NOP9: variants seen among roughly 807,000 people sequenced by gnomAD.
NOP9 encodes nucleolar protein 9.
NOP9 carries 50 observed loss-of-function variants against 63.0 expected under a neutral mutation model. That is an observed-to-expected ratio of 0.79 (90% CI 0.63 to 1.00). The LOEUF is 1.00. Among genes scored for constraint, NOP9 ranks in the 50% least tolerant of loss-of-function variants. The pLI, the probability that NOP9 is intolerant of heterozygous loss-of-function variation, is 0.00. For missense variants in NOP9, 758 were observed against 803.0 expected (o/e 0.94, Z 0.68); for synonymous variants, 343 against 332.8 (o/e 1.03, Z -0.33).
At chr14:24,291,526 T>A in the NOP9 span, 8 of 1,612,632 alleles carry the variant, frequency 5.0e-6, no homozygotes, top group Non-Finnish European at 6.8e-6. Flanking sequence ...TCCATGCCCT[T>A]TCTTATTACC....
the NOP9 span, chr14:24,292,146 C>G: frequency 2.5e-6 from 4 of 1,613,492 alleles, no homozygotes; most frequent in Non-Finnish European, 3.4e-6. Context: ...GAGGCCGACT[C>G]CCCTGTTCTC....
chr14:24,271,281 C>T, the NOP9 span: 16 of 861,784 alleles, frequency 1.9e-5, no homozygotes, highest in Non-Finnish European at 2.7e-5. Context: ...TAAAGAGGTC[C>T]TGGGACAGGC....
chr14:24,300,139 TG>T lies in NOP9; in HGVS notation c.188del (p.Gly63AspfsTer10). 1.9e-6 allele frequency: 3 copies of T among 1,613,964 alleles called. No individual in the cohort carries two copies. The highest frequency in any genetic ancestry group is 2.5e-6 in the Non-Finnish European group (3 of 1,179,996). Reference sequence around the variant, plus strand: ...CACCCGCACCTGAGCCCGGAAGCTCTGGGATATTTCCGCCGGGCGCTGTCAG... The same window carrying T: ...CACCCGCACCTGAGCCCGGAAGCTCTGGATATTTCCGCCGGGCGCTGTCAG... ...DSHPHLSPEA[L>X]GYFRRALSAL... is the part of the protein sequence containing the mutation. On this transcript the variant is annotated frameshift_variant, in exon 1 of 10. Transcript: ENST00000267425. LOFTEE classifies it high-confidence loss of function.
chr14:24,306,214 AC>A lies in NOP9; in HGVS notation c.*1122del, dbSNP rs1035022311. ...CTAATCTCCATCAGCACTGGGTCAG[AC>A]CCTCCCTCGCTTGGACTTTCTGTCC... On this transcript the variant is annotated 3_prime_UTR_variant, in exon 10 of 10. Transcript: ENST00000267425. 8 of 1,542,156 alleles carry A rather than the reference AC, an allele frequency of 5.2e-6. No individual in the cohort carries two copies. The African/African-American group carries it at 1.1e-4, about 21-fold the overall frequency.
chr14:24,284,108 G>C, the NOP9 span, among the ~76,000 whole-genome samples: 1 of 152,192 alleles, frequency 6.6e-6, no homozygotes, highest in Non-Finnish European at 1.5e-5. Context: ...TGAGACAGAG[G>C]TGAGGCTTGA....
rs2041404481 is a variant in NOP9 at position 24,303,057 on chromosome 14, T to C, written c.1144-17T>C. On this transcript the variant is annotated splice_polypyrimidine_tract_variant and intron_variant, in intron 5 of 9. Coordinates refer to ENST00000267425, the MANE Select transcript of NOP9 (RefSeq NM_174913.3). ...CATTACCAGAATGCCAGAGTTACATTCCATGTTTCCCATCAGCTGTCCCCT... is the reference window on the plus strand; with the variant it reads ...CATTACCAGAATGCCAGAGTTACATCCCATGTTTCCCATCAGCTGTCCCCT... The C allele has an allele frequency of 4.0e-6, 6 of 1,505,704 alleles. No homozygotes were observed. The highest frequency in any genetic ancestry group is 5.3e-6 in the Non-Finnish European group (6 of 1,129,874). The allele number at this position is 1,505,704 out of a possible 1,614,324, so 93.3% of individuals were successfully genotyped here.
At position 24,300,561 on chromosome 14, in the gene NOP9, G is replaced by T. The variant is rs571350852; in HGVS notation, c.401G>T (p.Arg134Leu). Residue 134 changes from arginine (R) to leucine (L), a missense_variant, in exon 2 of 10, where the codon CGC becomes CTC. Arg to Leu is a moderately radical substitution (Grantham distance 102). Coordinates refer to ENST00000267425, the MANE Select transcript of NOP9 (RefSeq NM_174913.3). Reference sequence around the variant, plus strand: ...TGGGCTGCTCTGCGCTCTAACTTGCGCACTGTGGCCTGTCACCGATGCGGG... The same window carrying T: ...TGGGCTGCTCTGCGCTCTAACTTGCTCACTGTGGCCTGTCACCGATGCGGG... The part of the protein sequence containing the change: ...RVWAALRSNL[R>L]TVACHRCGVH... The T allele has an allele frequency of 2.5e-6, 4 of 1,614,100 alleles. No homozygotes were observed. Among genetic ancestry groups the T allele is most frequent in the East Asian group, 2.2e-5 (1 of 44,894 alleles).
chr14:24,303,694 A>G (rs372860523), intron 6 of NOP9, 38 bp from the exon 7 acceptor site: 42 of 1,599,926 alleles, frequency 2.6e-5, no homozygotes, highest in Non-Finnish European at 3.5e-5. Flanking sequence ...AGGGACGGAG[A>G]AGTTCTCAGG....
chr14:24,303,614 A>T, intron 6 of NOP9, 118 bp from the exon 7 acceptor site: 1 of 1,032,288 alleles, frequency 9.7e-7, no homozygotes. Flanking sequence ...ATCTGCTTTC[A>T]TGGAGCTAAC....
At position 24,305,164 on chromosome 14, in the gene NOP9, G is replaced by A; in HGVS notation, c.*69G>A. The A allele has an allele frequency of 7.5e-7, 1 of 1,331,308 alleles. No homozygotes were observed. The highest frequency in any genetic ancestry group is 9.8e-7 in the Non-Finnish European group (1 of 1,020,328). The allele number at this position is 1,331,308 out of a possible 1,614,324, so 82.5% of individuals were successfully genotyped here. A position where few individuals can be genotyped will look rare whatever the true frequency, so the allele number is the denominator to read the frequency against. Reference sequence around the variant, plus strand: ...GGGGTATCCACCCCATCCCTTTCCTGGTTTAAATTGGAGTCAGAAGTCTTA... The same window carrying A: ...GGGGTATCCACCCCATCCCTTTCCTAGTTTAAATTGGAGTCAGAAGTCTTA... On this transcript the variant is annotated 3_prime_UTR_variant, in exon 10 of 10. Coordinates refer to ENST00000267425, the MANE Select transcript of NOP9 (RefSeq NM_174913.3).
the NOP9 span, chr14:24,290,784 T>C: frequency 2.9e-5 from 45 of 1,575,204 alleles, no homozygotes; most frequent in African/African-American, 4.2e-4. Context: ...GAAAGGCTGC[T>C]GTTTCACTGA....
upstream of NOP9, among the ~76,000 whole-genome samples, chr14:24,297,042 T>C (rs148829657): frequency 4.6e-3 from 703 of 152,264 alleles, 8 homozygotes; most frequent in African/African-American, 0.016. Flanking sequence ...TGGTGTCTGT[T>C]TGAGTAGTTT....
At chr14:24,285,317 C>G in the NOP9 span, among the ~76,000 whole-genome samples, 3 of 152,198 alleles carry the variant, frequency 2.0e-5, no homozygotes, top group South Asian at 2.1e-4. Flanking sequence ...AGCTGTCACA[C>G]TTTCCTCTTA....
chr14:24,288,610 A>G, the NOP9 span, among the ~76,000 whole-genome samples: 1 of 152,130 alleles, frequency 6.6e-6, no homozygotes, highest in Non-Finnish European at 1.5e-5. Flanking sequence ...AGCCTCCCAA[A>G]GTGCTGGGAT....
chr14:24,285,999 T>A, the NOP9 span, among the ~76,000 whole-genome samples: 1 of 144,052 alleles, frequency 6.9e-6, no homozygotes, highest in African/African-American at 2.6e-5. Context: ...AAAAAAAAAA[T>A]TAACAATGCA....
rs2041353475 is a variant in NOP9, at chr14:24,300,577, C to T, written c.417C>T (p.His139=). The T allele has an allele frequency of 6.2e-7, 1 of 1,614,082 alleles. No homozygotes were observed. The highest frequency in any genetic ancestry group is 1.3e-5 in the African/African-American group (1 of 74,922). ...CTAACTTGCGCACTGTGGCCTGTCA[C>T]CGATGCGGGGTCCATGTATTACAAA... ...LRSNLRTVAC[H]RCGVHVLQSA... Residue 139 remains histidine (H), a synonymous_variant, in exon 2 of 10, where the codon CAC becomes CAT. Transcript: ENST00000267425.
In NOP9 at chr14:24,304,257, C is replaced by T. The variant is rs917846493; in HGVS notation, c.1627C>T (p.Arg543Cys). Reference sequence around the variant, plus strand: ...CTCTGTGACGCGCAAGCTGCGCCGCCGTGTGCTGCAGAACCTAAAGGTTAG... The same window carrying T: ...CTCTGTGACGCGCAAGCTGCGCCGCTGTGTGCTGCAGAACCTAAAGGTTAG... The part of the protein sequence containing the change: ...SPSVTRKLRR[R>C]VLQNLKGQYV... The change falls in exon 8 of 10, where the codon CGT (arginine) becomes TGT (cysteine). Residue 543 changes from arginine to cysteine, a missense_variant. By Grantham distance (180) the Arg-to-Cys change is radical (BLOSUM62 -3). Coordinates refer to ENST00000267425, the MANE Select transcript of NOP9 (RefSeq NM_174913.3). The T allele has an allele frequency of 5.6e-6, 9 of 1,613,888 alleles. No individual in the cohort carries two copies. Among genetic ancestry groups the T allele is most frequent in the Non-Finnish European group, 6.8e-6 (8 of 1,179,926 alleles).
Position 24,303,230 on chromosome 14 carries a change from C to T in NOP9, c.1284+16C>T. On this transcript the variant is annotated intron_variant, in intron 6 of 9. Transcript: ENST00000267425. Reference sequence around the variant, plus strand: ...CTTGTTGGAGGTGAGTGGATATTACCCACAATCTGTTTATGCCCTCAGTTC... The same window carrying T: ...CTTGTTGGAGGTGAGTGGATATTACTCACAATCTGTTTATGCCCTCAGTTC... 2.5e-6 allele frequency: 4 copies of T among 1,613,884 alleles called. No homozygotes were observed. Among genetic ancestry groups the T allele is most frequent in the Non-Finnish European group, 3.4e-6 (4 of 1,179,906 alleles).
intron 5 of NOP9, 73 bp downstream of exon 5, chr14:24,302,497 G>A (rs2041396377): frequency 7.1e-7 from 1 of 1,399,146 alleles, no homozygotes; most frequent in African/African-American, 1.4e-5. Context: ...TGGTCTGTCT[G>A]CCTCTATATA....
Sources: allele counts gnomAD v4.1 joint callset (sites outside exome capture counted in the v4.1 genomes callset), GRCh38; gene constraint gnomAD v4.1.1; transcripts MANE v1.5; gene names NCBI Gene and HGNC (gene_info 2026-07-23, HGNC 2026-07-21).